ARHGAP10: variants seen among roughly 807,000 people sequenced by gnomAD.
The protein encoded by ARHGAP10 is rho GTPase-activating protein 10.
Under a neutral mutation model 108.6 loss-of-function variants are expected in ARHGAP10, and 87 were observed. That is an observed-to-expected ratio of 0.80 (90% CI 0.67 to 0.96). The LOEUF (loss-of-function observed/expected upper bound fraction) is 0.96, where lower values mean the gene tolerates loss of function less well. ARHGAP10 is among the 40% of genes least tolerant of loss of function. The pLI, the probability that ARHGAP10 is intolerant of heterozygous loss-of-function variation, is 0.00. For missense variants in ARHGAP10, 939 were observed against 954.5 expected, an observed-to-expected ratio of 0.98 and a Z score of 0.21; for synonymous variants, 347 against 341.1, an observed-to-expected ratio of 1.02 and a Z score of -0.19.
intron 3 of ARHGAP10, among the ~76,000 whole-genome samples, chr4:147,833,082 C>G (rs1431771140): frequency 6.6e-6 from 1 of 152,162 alleles, no homozygotes; most frequent in East Asian, 1.9e-4. Context: ...ATCCTGGATA[C>G]AAGAATGGAG....
intron 19 of ARHGAP10, among the ~76,000 whole-genome samples, chr4:148,036,001 A>G (rs539447859): frequency 1.3e-5 from 2 of 151,734 alleles, no homozygotes; most frequent in East Asian, 1.9e-4. Flanking sequence ...TTTCATTTTA[A>G]TGTCAAACTT....
At chr4:147,830,512 CTTT>C (rs56946602) in intron 3 of ARHGAP10, among the ~76,000 whole-genome samples, 118 of 102,222 alleles carry the variant, frequency 1.2e-3, no homozygotes, top group African/African-American at 4.4e-3. Context: ...ACCACAATTC[CTTT>C]TTTTTTTTTT....
rs142242257 is a variant in ARHGAP10, at chr4:147,948,361, C to A, written c.1391+1657C>A. On this transcript the variant is annotated intron_variant, in intron 15 of 22. Transcript: ENST00000336498. ...TATGCACAACAAAATTAATATCCAG[C>A]ATTCAGTCCATGTTCAATTTTTACC... Among the ~76,000 whole-genome samples, 569 of 152,248 alleles carry A rather than the reference C, an allele frequency of 3.7e-3. 2 individuals carry two copies. The highest frequency in any genetic ancestry group is 0.017 in the Middle Eastern group (5 of 294).
chr4:147,833,081 A>G (rs997230566), intron 3 of ARHGAP10, among the ~76,000 whole-genome samples: 3 of 152,236 alleles, frequency 2.0e-5, no homozygotes, highest in Non-Finnish European at 2.9e-5. Context: ...AATCCTGGAT[A>G]CAAGAATGGA....
At chr4:147,900,676 C>T (rs766610375) in intron 10 of ARHGAP10, among the ~76,000 whole-genome samples, 78 of 152,160 alleles carry the variant, frequency 5.1e-4, no homozygotes, top group Non-Finnish European at 7.1e-4. Flanking sequence ...AATATGGCTC[C>T]AAGAACCCCC....
At chr4:147,800,837 C>T (rs917264956) in intron 1 of ARHGAP10, among the ~76,000 whole-genome samples, 5 of 152,068 alleles carry the variant, frequency 3.3e-5, no homozygotes, top group African/African-American at 9.7e-5. Flanking sequence ...TTTGACACAG[C>T]GTCTTACTCT....
At chr4:148,033,951 G>C (rs1053271578) in intron 19 of ARHGAP10, among the ~76,000 whole-genome samples, 3 of 152,180 alleles carry the variant, frequency 2.0e-5, no homozygotes, top group Admixed American at 2.0e-4. Flanking sequence ...GCAGCAAAGA[G>C]TTTTATTGAA....
chr4:147,861,819 T>A (rs1366590754), intron 5 of ARHGAP10: 1 of 152,132 alleles, frequency 6.6e-6, no homozygotes, highest in Admixed American at 6.5e-5. Flanking sequence ...AGTCCAGAGT[T>A]TTTCTGGGCT....
intron 3 of ARHGAP10, among the ~76,000 whole-genome samples, chr4:147,835,791 C>CA (rs113364763): frequency 4.6e-5 from 7 of 151,722 alleles, no homozygotes; most frequent in African/African-American, 1.5e-4. Context: ...TTATGTAAAA[C>CA]AAAAAAAAAA....
intron 4 of ARHGAP10, among the ~76,000 whole-genome samples, chr4:147,856,728 G>A (rs985989583): frequency 6.6e-6 from 1 of 152,130 alleles, no homozygotes; most frequent in African/African-American, 2.4e-5. Context: ...ACCACTTCTG[G>A]TTCTAAGCAT....
chr4:147,748,364 A>G (rs1382328992), intron 1 of ARHGAP10, among the ~76,000 whole-genome samples: 1 of 151,020 alleles, frequency 6.6e-6, no homozygotes, highest in African/African-American at 2.5e-5. Flanking sequence ...ACAGCTCACA[A>G]CAAAGGGTAT....
intron 1 of ARHGAP10, among the ~76,000 whole-genome samples, chr4:147,738,555 C>A (rs749124939): frequency 6.6e-6 from 1 of 150,802 alleles, no homozygotes; most frequent in Non-Finnish European, 1.5e-5. Context: ...TCTGTCTCCC[C>A]CCCCCAAAAA....
chr4:147,959,393 G>A (rs1266213060), intron 16 of ARHGAP10, among the ~76,000 whole-genome samples: 4 of 151,978 alleles, frequency 2.6e-5, no homozygotes, highest in African/African-American at 7.3e-5. Flanking sequence ...TATACTCTAA[G>A]TTCTAGAGTA....
intron 3 of ARHGAP10, among the ~76,000 whole-genome samples, chr4:147,826,623 A>G (rs536156980): frequency 4.1e-4 from 62 of 152,294 alleles, no homozygotes; most frequent in Non-Finnish European, 6.9e-4. Flanking sequence ...GAAATATACA[A>G]TGAAACTACA....
chr4:147,732,307 G>C lies in ARHGAP10; in HGVS notation c.6G>C (p.Gly2=). 6.2e-7 allele frequency: 1 copy of C among 1,610,880 alleles called. No individual in the cohort carries two copies. The change falls in exon 1 of 23, where the codon GGG becomes GGC. Residue 2 remains glycine (G), a synonymous_variant. Transcript: ENST00000336498. ...GCGCAGCGACCGCTGCCGTCATGGG[G>C]CTGCAGCCCCTGGAGTTCAGCGACT... M[G]LQPLEFSDCY...
intron 18 of ARHGAP10, among the ~76,000 whole-genome samples, chr4:147,976,573 C>CTTTGCATT (rs1739606030): frequency 6.8e-6 from 1 of 147,858 alleles, no homozygotes; most frequent in African/African-American, 2.5e-5. Context: ...CTCAGCAGGG[C>CTTTGCATT]TTTGCATTTT....
At chr4:148,025,008 C>T (rs184532867) in intron 19 of ARHGAP10, among the ~76,000 whole-genome samples, 6 of 152,252 alleles carry the variant, frequency 3.9e-5, no homozygotes, top group East Asian at 3.9e-4. Context: ...CTTAGGATCA[C>T]GTCTACTATT....
At chr4:147,942,407 T>A in intron 14 of ARHGAP10, among the ~76,000 whole-genome samples, 1 of 152,224 alleles carries the variant, frequency 6.6e-6, no homozygotes, top group African/African-American at 2.4e-5. Flanking sequence ...GTATTGTTTG[T>A]TAAAGTGTTT....
At chr4:147,860,984 A>T (rs977893823) in intron 5 of ARHGAP10, 1 of 152,104 alleles carries the variant, frequency 6.6e-6, no homozygotes, top group Non-Finnish European at 1.5e-5. Context: ...AATTTTTAGG[A>T]TGTCTCTTTT....
Sources: allele counts gnomAD v4.1 joint callset (sites outside exome capture counted in the v4.1 genomes callset), GRCh38; gene constraint gnomAD v4.1.1; transcripts MANE v1.5; gene names NCBI Gene and HGNC (gene_info 2026-07-23, HGNC 2026-07-21).